The following MAOB variants were observed in gnomAD, a reference collection of about 807,000 sequenced individuals.
MAOB encodes amine oxidase [flavin-containing] B.
A neutral mutation model predicts 41.9 loss-of-function variants in MAOB; 15 were observed. The ratio of observed to expected loss-of-function variants is 0.36; its 90% confidence interval spans 0.24 to 0.55. MAOB has a LOEUF of 0.55. Among genes scored for constraint, MAOB ranks in the 20% least tolerant of loss-of-function variants. The pLI, the probability that MAOB is intolerant of heterozygous loss-of-function variation, is 0.86. For synonymous variants in MAOB, 167 were observed against 144.2 expected (o/e 1.16, Z -1.13); for missense variants, 345 against 398.7 (o/e 0.87, Z 1.15).
At chrX:43,833,585 T>A (rs1215584047) in intron 3 of MAOB, among the ~76,000 whole-genome samples, 1 of 111,676 alleles carries the variant, frequency 9.0e-6, no homozygotes, top group Admixed American at 9.5e-5. Context: ...TCACATAGTA[T>A]AGAAGCTGTA....
At chrX:43,863,068 G>A (rs957333236) in intron 1 of MAOB, among the ~76,000 whole-genome samples, 5 of 111,963 alleles carry the variant, frequency 4.5e-5, no homozygotes, top group African/African-American at 1.6e-4. Context: ...AAGCTGGCTG[G>A]AAGAGTAATT....
intron 2 of MAOB, among the ~76,000 whole-genome samples, chrX:43,840,417 G>C (rs1466410881): frequency 8.9e-6 from 1 of 111,733 alleles, no homozygotes; most frequent in Non-Finnish European, 1.9e-5. Flanking sequence ...ATTCATAGTA[G>C]GTACTCAGTA....
intron 1 of MAOB, among the ~76,000 whole-genome samples, chrX:43,879,287 C>A (rs1239318995): frequency 8.9e-6 from 1 of 112,446 alleles, no homozygotes; most frequent in South Asian, 3.7e-4. Context: ...GCTATCCTCC[C>A]AGTATGTCTC....
At chrX:43,782,236 T>C (rs2034343026) in intron 8 of MAOB, among the ~76,000 whole-genome samples, 1 of 110,809 alleles carries the variant, frequency 9.0e-6, no homozygotes, top group Non-Finnish European at 1.9e-5. Flanking sequence ...AATAGACCGC[T>C]AGCCAGACTA....
intron 3 of MAOB, among the ~76,000 whole-genome samples, chrX:43,833,082 G>C (rs900146230): frequency 9.0e-6 from 1 of 111,551 alleles, no homozygotes; most frequent in Non-Finnish European, 1.9e-5. Flanking sequence ...GCTCTTTGCA[G>C]TGTGTTCTTG....
At chrX:43,864,675 C>T (rs1387042399) in intron 1 of MAOB, among the ~76,000 whole-genome samples, 4 of 111,357 alleles carry the variant, frequency 3.6e-5, no homozygotes, top group Non-Finnish European at 7.5e-5. Context: ...TTTTAAAGGA[C>T]GGGAAGGGTA....
At position 43,870,727 on chromosome X, in the gene MAOB, G is replaced by A. The variant is rs536944248; in HGVS notation, c.46+11527C>T. ...GGAGAATGGCATGAACCCGGGAGGCGGAGCTTGCAGTGAGCCAAGATCTCA... is the reference window on the plus strand; with the variant it reads ...GGAGAATGGCATGAACCCGGGAGGCAGAGCTTGCAGTGAGCCAAGATCTCA... On this transcript the variant is annotated intron_variant, in intron 1 of 14. Coordinates refer to ENST00000378069, the MANE Select transcript of MAOB (RefSeq NM_000898.5). Among the ~76,000 whole-genome samples the A allele has an allele frequency of 1.6e-4, 16 of 102,304 alleles. No individual in the cohort carries two copies. In the East Asian group the frequency reaches 3.1e-3, roughly 20 times the overall value. The allele number at this position is 102,304 out of a possible 115,157, so 88.8% of individuals were successfully genotyped here. A position where few individuals can be genotyped will look rare whatever the true frequency, so the allele number is the denominator to read the frequency against.
chrX:43,797,419 G>A (rs1053305238), intron 5 of MAOB, among the ~76,000 whole-genome samples, 153 bp from the exon 6 acceptor site: 3 of 112,246 alleles, frequency 2.7e-5, no homozygotes, highest in Non-Finnish European at 3.8e-5. Flanking sequence ...ATTACAAAAC[G>A]TGACATCGGA....
chrX:43,840,923 G>T (rs1389830350), intron 2 of MAOB, among the ~76,000 whole-genome samples: 4 of 103,021 alleles, frequency 3.9e-5, no homozygotes, highest in African/African-American at 1.4e-4. Context: ...ATATCCAAGT[G>T]GTGCCTGGAA....
intron 3 of MAOB, among the ~76,000 whole-genome samples, chrX:43,810,825 G>A (rs893837025): frequency 9.0e-6 from 1 of 111,498 alleles, no homozygotes; most frequent in Non-Finnish European, 1.9e-5. Context: ...GAATAATGGA[G>A]ATTATACAAG....
intron 1 of MAOB, chrX:43,844,453 T>C (rs2035176746): frequency 8.9e-6 from 1 of 112,190 alleles, no homozygotes; most frequent in African/African-American, 3.2e-5. Context: ...CAATAAACTT[T>C]ACCCATTGTG....
chrX:43,801,501 C>T (rs1002819617), intron 5 of MAOB, among the ~76,000 whole-genome samples: 5 of 111,712 alleles, frequency 4.5e-5, no homozygotes, highest in African/African-American at 1.6e-4. Flanking sequence ...AAATTTACCA[C>T]GTGCTTGAAT....
At chrX:43,881,644 C>A (rs1450764658) in intron 1 of MAOB, among the ~76,000 whole-genome samples, 1 of 111,896 alleles carries the variant, frequency 8.9e-6, no homozygotes, top group Non-Finnish European at 1.9e-5. Flanking sequence ...GGCCACCCTG[C>A]GCTAGGAGTG....
intron 3 of MAOB, among the ~76,000 whole-genome samples, chrX:43,829,371 A>G (rs1218706489): frequency 8.9e-6 from 1 of 112,511 alleles, no homozygotes; most frequent in Non-Finnish European, 1.9e-5. Context: ...AGTCATAGAC[A>G]GGGACAAATG....
chrX:43,831,193 T>C (rs1851879837), intron 3 of MAOB, among the ~76,000 whole-genome samples: 1 of 111,490 alleles, frequency 9.0e-6, no homozygotes, highest in Non-Finnish European at 1.9e-5. Flanking sequence ...TGATTGTTAA[T>C]GGATATGTAA....
At chrX:43,869,242 G>A (rs2035385693) in intron 1 of MAOB, among the ~76,000 whole-genome samples, 1 of 111,636 alleles carries the variant, frequency 9.0e-6, no homozygotes, top group Non-Finnish European at 1.9e-5. Context: ...ATTTGTTTTG[G>A]AATAGAACAA....
At chrX:43,877,098 T>A (rs777428369) in intron 1 of MAOB, among the ~76,000 whole-genome samples, 1 of 112,454 alleles carries the variant, frequency 8.9e-6, no homozygotes, top group South Asian at 3.7e-4. Flanking sequence ...ATACCATTAT[T>A]ATCCCCATTT....
chrX:43,838,718 A>G, intron 3 of MAOB, 150 bp downstream of exon 3: 2 of 516,417 alleles, frequency 3.9e-6, no homozygotes, highest in Non-Finnish European at 5.6e-6. Flanking sequence ...GATAACAGTG[A>G]ATGAATCTCA....
At chrX:43,769,492 T>C in intron 12 of MAOB, 74 bp from the exon 13 acceptor site, 1 of 1,109,466 alleles carries the variant, frequency 9.0e-7, no homozygotes, top group Non-Finnish European at 1.2e-6. Flanking sequence ...TAAAGACCAA[T>C]GCTGGTCAGC....
Sources: gnomAD v4.1 joint callset for allele counts (sites outside exome capture counted in the v4.1 genomes callset) on GRCh38, gnomAD v4.1.1 for gene constraint, MANE v1.5 for transcripts, NCBI Gene and HGNC (gene_info 2026-07-23, HGNC 2026-07-21) for gene names.